The following ANKRD11 variants were observed in gnomAD, a reference collection of about 807,000 sequenced individuals.
The protein encoded by ANKRD11 is ankyrin repeat domain-containing protein 11.
ANKRD11 carries 17 observed loss-of-function variants against 195.7 expected under a neutral mutation model. The ratio of observed to expected loss-of-function variants is 0.09; its 90% CI spans 0.06 to 0.13. ANKRD11 has a LOEUF of 0.13. ANKRD11 is among the 10% of genes least tolerant of loss of function. The pLI, the probability that ANKRD11 is intolerant of heterozygous loss-of-function variation, is 1.00. For synonymous variants in ANKRD11, 1,953 were observed against 1,528.1 expected, an observed-to-expected ratio of 1.28 and a Z score of -6.49; for missense variants, 3,735 against 3,566.1, an observed-to-expected ratio of 1.05 and a Z score of -1.21.
In ANKRD11 at chr16:89,284,464, T is replaced by G. The variant is rs2064217249; in HGVS notation, c.2078A>C (p.His693Pro). Residue 693 changes from histidine (H) to proline (P), a missense_variant, in exon 9 of 13, where the codon CAC becomes CCC. Transcript: ENST00000301030. The stretch of plus-strand genomic sequence containing the variant: ...GCTAAGTTTCTCTTCTTTTTTAAAG[T>G]GGTCGCGATCGTGCTTTAACACTTT... The part of the protein sequence containing the change: ...KLKVLKHDRD[H>P]FKKEEKLSKM... 4.3e-6 allele frequency: 7 copies of G among 1,613,976 alleles called. No homozygotes were observed. In the African/African-American group the frequency reaches 8.0e-5, roughly 18 times the overall value.
intron 2 of ANKRD11, among the ~76,000 whole-genome samples, chr16:89,338,122 CG>C (rs1053108671): frequency 3.2e-4 from 48 of 152,202 alleles, no homozygotes; most frequent in Admixed American, 2.0e-4. Context: ...GGACGCCGCC[CG>C]TCAGGCTCCC....
chr16:89,432,685 G>A (rs1426318278), intron 1 of ANKRD11, among the ~76,000 whole-genome samples: 1 of 151,940 alleles, frequency 6.6e-6, no homozygotes, highest in African/African-American at 2.4e-5. Context: ...GACCTTACCA[G>A]TCACACACTC....
intron 2 of ANKRD11, among the ~76,000 whole-genome samples, chr16:89,348,202 G>A (rs1470697150): frequency 1.3e-5 from 2 of 152,174 alleles, no homozygotes; most frequent in Admixed American, 1.3e-4. Context: ...AAAATGTTGG[G>A]ATTACAGGCA....
At chr16:89,318,484 G>GCTT (rs1276535771) in intron 2 of ANKRD11, among the ~76,000 whole-genome samples, 1 of 152,244 alleles carries the variant, frequency 6.6e-6, no homozygotes, top group African/African-American at 2.4e-5. Context: ...GGGAGAAGCA[G>GCTT]CTTCTGCAAC....
Position 89,284,807 on chromosome 16 carries a change from A to C in ANKRD11, c.1735T>G (p.Tyr579Asp), listed in dbSNP as rs143817649. 156 of 1,613,788 alleles carry C rather than the reference A, an allele frequency of 9.7e-5. No individual in the cohort carries two copies. In the South Asian group the frequency reaches 1.6e-3, roughly 16 times the overall value. ...TCCACACTGGAGCCCTCAGAGGAGT[A>C]GTCAGACTCGCTTGTCAGTCTCGTC... The part of the protein sequence containing the change: ...TRTRLTSESD[Y>D]SSEGSSVESL... The change falls in exon 9 of 13, where the codon TAC becomes GAC. Residue 579 changes from tyrosine (Y) to aspartate (D), a missense_variant. Coordinates refer to ENST00000301030, the MANE Select transcript of ANKRD11 (RefSeq NM_013275.6).
intron 2 of ANKRD11, among the ~76,000 whole-genome samples, chr16:89,388,939 C>A (rs969586396): frequency 6.6e-6 from 1 of 152,200 alleles, no homozygotes. Flanking sequence ...CAGAACAAAG[C>A]CCAAGATGAC....
Position 89,285,550 on chromosome 16 carries a change from G to T in ANKRD11, c.992C>A (p.Ala331Asp). 1 of 1,614,168 alleles carries T rather than the reference G, an allele frequency of 6.2e-7. No homozygotes were observed. Among genetic ancestry groups the T allele is most frequent in the Non-Finnish European group, 8.5e-7 (1 of 1,180,028 alleles). Residue 331 changes from alanine (A) to aspartate (D), a missense_variant, in exon 9 of 13, where the codon GCC becomes GAC. By Grantham distance (126) the Ala-to-Asp change is moderately radical. Transcript: ENST00000301030. This position sits in a 1 kb window ranked among gnomAD's most constrained non-coding sequence, Gnocchi z 5.6. ...GGCCTTCTGTGGCTCTGGGTTCTTG[G>T]CCTTGTGCTTGAGGCCTTTTTCGAA... ...SEFEKGLKHKAKNPEPQKATA... is the reference protein window; with the variant it reads ...SEFEKGLKHKDKNPEPQKATA...
At chr16:89,356,575 T>A (rs1291548419) in intron 2 of ANKRD11, among the ~76,000 whole-genome samples, 1 of 145,666 alleles carries the variant, frequency 6.9e-6, no homozygotes, top group African/African-American at 2.6e-5. Context: ...ATCGAGACCA[T>A]CCTGGCTAAC....
intron 2 of ANKRD11, among the ~76,000 whole-genome samples, chr16:89,336,566 T>C (rs2038363806): frequency 6.6e-6 from 1 of 152,210 alleles, no homozygotes; most frequent in Non-Finnish European, 1.5e-5. Context: ...CCTTCTGCAC[T>C]GGTGGGAACC....
At chr16:89,462,731 G>T (rs1310052314) in intron 1 of ANKRD11, among the ~76,000 whole-genome samples, 7 of 151,094 alleles carry the variant, frequency 4.6e-5, no homozygotes, top group Non-Finnish European at 8.8e-5. Context: ...GCCCCGTCTG[G>T]GATGTGAGGA....
At chr16:89,481,363 T>A (rs1401008408) in intron 1 of ANKRD11, among the ~76,000 whole-genome samples, 1 of 151,700 alleles carries the variant, frequency 6.6e-6, no homozygotes. Flanking sequence ...AGGCCAGGAG[T>A]TCAACATCAG....
intron 1 of ANKRD11, among the ~76,000 whole-genome samples, chr16:89,441,198 T>C (rs959616506): frequency 6.6e-6 from 1 of 151,620 alleles, no homozygotes; most frequent in Non-Finnish European, 1.5e-5. Flanking sequence ...ATCGAGCCAC[T>C]GCACTCCAGC....
chr16:89,382,639 CAAAT>C (rs1178998623), intron 2 of ANKRD11, among the ~76,000 whole-genome samples: 1 of 151,538 alleles, frequency 6.6e-6, no homozygotes, highest in Non-Finnish European at 1.5e-5. Context: ...ACTTGGCCGA[CAAAT>C]AAACAATTCC....
chr16:89,406,296 G>A lies in ANKRD11; in HGVS notation c.-60+11988C>T, dbSNP rs889355472. Reference sequence around the variant, plus strand: ...AGGACAGACATGTCTCAGGCCAACGGCACTGACAGAAGCACAGACCCTCAC... The same window carrying A: ...AGGACAGACATGTCTCAGGCCAACGACACTGACAGAAGCACAGACCCTCAC... On this transcript the variant is annotated intron_variant, in intron 2 of 12. Transcript: ENST00000301030. Among the ~76,000 whole-genome samples, 11 of 152,084 alleles carry A rather than the reference G, an allele frequency of 7.2e-5. No homozygotes were observed. The East Asian group carries it at 2.1e-3, about 29-fold the overall frequency.
intron 2 of ANKRD11, among the ~76,000 whole-genome samples, chr16:89,354,065 C>T (rs564911250): frequency 4.0e-4 from 61 of 152,282 alleles, no homozygotes; most frequent in Admixed American, 1.0e-3. Context: ...CTCTCGGGAG[C>T]TGCCCGCCCA....
intron 2 of ANKRD11, among the ~76,000 whole-genome samples, chr16:89,413,618 C>T (rs763038109): frequency 1.3e-5 from 2 of 152,012 alleles, no homozygotes; most frequent in Non-Finnish European, 2.9e-5. Context: ...GCCAGACTGT[C>T]TCAAAAAAAG....
chr16:89,471,814 G>C (rs1316243193), intron 1 of ANKRD11, among the ~76,000 whole-genome samples: 1 of 138,570 alleles, frequency 7.2e-6, no homozygotes, highest in Non-Finnish European at 1.5e-5. Flanking sequence ...AAAAAGATAT[G>C]ATTTCATTTA....
At chr16:89,475,764 C>A (rs1423932601) in intron 1 of ANKRD11, among the ~76,000 whole-genome samples, 1 of 152,110 alleles carries the variant, frequency 6.6e-6, no homozygotes, top group Non-Finnish European at 1.5e-5. Context: ...AAACAACTGA[C>A]CCCGGCCAGG....
At position 89,268,238 on chromosome 16, in the gene ANKRD11, C is replaced by A. The variant is rs1373644308; in HGVS notation, c.*240G>T. 1 of 271,126 alleles carries A rather than the reference C, an allele frequency of 3.7e-6. No individual in the cohort carries two copies. Among genetic ancestry groups the A allele is most frequent in the Non-Finnish European group, 6.6e-6 (1 of 152,516 alleles). The allele number at this position is 271,126 out of a possible 1,614,324, so 16.8% of individuals were successfully genotyped here. ...GCATGGTCTCCTCATCCCGCCGGGGCCAGTGAGGCTCTGGGGGCTTTGCCC... is the reference window on the plus strand; with the variant it reads ...GCATGGTCTCCTCATCCCGCCGGGGACAGTGAGGCTCTGGGGGCTTTGCCC... On this transcript the variant is annotated 3_prime_UTR_variant, in exon 13 of 13. Transcript: ENST00000301030.
Sources: gnomAD v4.1 joint callset for allele counts (sites outside exome capture counted in the v4.1 genomes callset) on GRCh38, gnomAD v4.1.1 for gene constraint, Gnocchi (gnomAD v3.1) non-coding constraint, MANE v1.5 for transcripts, NCBI Gene and HGNC (gene_info 2026-07-23, HGNC 2026-07-21) for gene names.